Variants in PDE4D observed in about 807,000 individuals in gnomAD.
PDE4D encodes the protein 3',5'-cyclic-AMP phosphodiesterase 4D.
A neutral mutation model predicts 87.4 loss-of-function variants in PDE4D; 24 were observed. That is an observed-to-expected ratio of 0.27 (90% CI 0.20 to 0.39). The LOEUF is 0.39. Among genes scored for constraint, PDE4D ranks in the 10% least tolerant of loss-of-function variants. The pLI is 1.00. For synonymous variants in PDE4D, 384 were observed against 383.2 expected (o/e 1.00, Z -0.02); for missense variants, 714 against 1,041.0 (o/e 0.69, Z 4.32).
At chr5:59,797,159 C>G (rs1468065124) in intron 1 of PDE4D, 1 of 148,312 alleles carries the variant, frequency 6.7e-6, no homozygotes, top group Non-Finnish European at 1.5e-5. Context: ...AAAAGTCAAC[C>G]AAGTCAGAAG....
intron 2 of PDE4D, among the ~76,000 whole-genome samples, chr5:60,060,759 G>A (rs906103386): frequency 2.6e-5 from 4 of 152,130 alleles, no homozygotes; most frequent in African/African-American, 9.6e-5. Flanking sequence ...CAGCCTCTCA[G>A]CTTCCTTGAA....
rs186019333 is a variant in PDE4D, at chr5:59,389,896, T to C, written c.456-173928A>G. ...AGGTTAGTTAATGGGTACAAGCATATAGTTAGATAGAAGAAATAAGTTCTA... is the reference window on the plus strand; with the variant it reads ...AGGTTAGTTAATGGGTACAAGCATACAGTTAGATAGAAGAAATAAGTTCTA... On this transcript the variant is annotated intron_variant, in intron 1 of 14. Coordinates refer to ENST00000340635, the MANE Select transcript of PDE4D (RefSeq NM_001104631.2). Among the ~76,000 whole-genome samples the C allele has an allele frequency of 1.0e-3, 159 of 152,226 alleles. 1 individual carries two copies. Among genetic ancestry groups the C allele is most frequent in the Admixed American group, 3.5e-3 (53 of 15,280 alleles).
intron 1 of PDE4D, among the ~76,000 whole-genome samples, chr5:59,543,598 T>C (rs1038273366): frequency 6.6e-6 from 1 of 152,140 alleles, no homozygotes; most frequent in African/African-American, 2.4e-5. Flanking sequence ...TGCTGGTTCA[T>C]TCAGAAAAGA....
chr5:59,307,727 A>T (rs933666479), intron 1 of PDE4D, among the ~76,000 whole-genome samples: 5 of 151,978 alleles, frequency 3.3e-5, no homozygotes, highest in African/African-American at 7.3e-5. Context: ...GCTGGAGAGG[A>T]TGTGGAGAAA....
At chr5:59,088,793 G>A (rs1271926860) in intron 5 of PDE4D, among the ~76,000 whole-genome samples, 1 of 152,186 alleles carries the variant, frequency 6.6e-6, no homozygotes, top group Non-Finnish European at 1.5e-5. Context: ...TCAGAGGGTG[G>A]AGGGTGGGAG....
At chr5:59,839,012 A>C (rs1581357875) in intron 1 of PDE4D, among the ~76,000 whole-genome samples, 1 of 152,094 alleles carries the variant, frequency 6.6e-6, no homozygotes, top group East Asian at 2.0e-4. Flanking sequence ...GGAAGAGGAA[A>C]AGGATGAATC....
chr5:59,414,741 TAAC>T (rs550450455), intron 1 of PDE4D, among the ~76,000 whole-genome samples: 7 of 152,060 alleles, frequency 4.6e-5, no homozygotes, highest in Non-Finnish European at 8.8e-5. Context: ...AAAACAAAAA[TAAC>T]AACAACAAAA....
intron 1 of PDE4D, among the ~76,000 whole-genome samples, chr5:60,232,410 A>G (rs1432752903): frequency 6.6e-6 from 1 of 151,860 alleles, no homozygotes; most frequent in Non-Finnish European, 1.5e-5. Flanking sequence ...TTCTCTGGTC[A>G]GTTCTTCTTG....
chr5:59,502,193 A>C (rs1409994889), intron 1 of PDE4D, among the ~76,000 whole-genome samples: 1 of 152,172 alleles, frequency 6.6e-6, no homozygotes, highest in Non-Finnish European at 1.5e-5. Context: ...CAATAGCATG[A>C]ACATATAACT....
intron 6 of PDE4D, among the ~76,000 whole-genome samples, chr5:58,993,869 T>C (rs573233013): frequency 6.6e-6 from 1 of 152,152 alleles, no homozygotes; most frequent in Non-Finnish European, 1.5e-5. Context: ...AAAATTAAGA[T>C]GTATTATTAG....
At chr5:60,285,551 GA>G (rs1376143809) in intron 1 of PDE4D, among the ~76,000 whole-genome samples, 1 of 151,688 alleles carries the variant, frequency 6.6e-6, no homozygotes, top group African/African-American at 2.4e-5. Context: ...TTACAGGGAA[GA>G]AAAACAACGA....
chr5:59,754,358 C>T (rs146885210), intron 1 of PDE4D, among the ~76,000 whole-genome samples: 1 of 152,170 alleles, frequency 6.6e-6, no homozygotes, highest in African/African-American at 2.4e-5. Context: ...AGTTTCTCAA[C>T]GTATGGCTTC....
intron 1 of PDE4D, among the ~76,000 whole-genome samples, chr5:59,439,201 A>G (rs989211683): frequency 1.3e-4 from 20 of 152,188 alleles, no homozygotes; most frequent in Admixed American, 1.3e-4. Context: ...TCTACCAAAA[A>G]TACAAAAATT....
intron 1 of PDE4D, among the ~76,000 whole-genome samples, chr5:60,515,176 G>A (rs1283052582): frequency 1.3e-5 from 2 of 152,094 alleles, no homozygotes; most frequent in Non-Finnish European, 2.9e-5. Context: ...TTTATAGTAA[G>A]TATTGATATC....
At chr5:60,515,973 A>C (rs1320900466) in intron 1 of PDE4D, among the ~76,000 whole-genome samples, 2 of 152,196 alleles carry the variant, frequency 1.3e-5, no homozygotes, top group Admixed American at 1.3e-4. Flanking sequence ...TACAGCCAAA[A>C]TATTTGAAAA....
intron 1 of PDE4D, among the ~76,000 whole-genome samples, chr5:60,241,812 T>C (rs899571108): frequency 6.6e-6 from 1 of 152,096 alleles, no homozygotes; most frequent in Non-Finnish European, 1.5e-5. Context: ...AAGAAAATTA[T>C]AGAACACCAA....
intron 1 of PDE4D, among the ~76,000 whole-genome samples, chr5:60,286,834 A>G (rs772317835): frequency 1.4e-4 from 21 of 152,230 alleles, no homozygotes; most frequent in Non-Finnish European, 3.1e-4. Context: ...CTTTAAAAGA[A>G]ATAAATGAGT....
intron 1 of PDE4D, among the ~76,000 whole-genome samples, chr5:59,303,956 G>A (rs1770766721): frequency 6.6e-6 from 1 of 152,000 alleles, no homozygotes; most frequent in African/African-American, 2.4e-5. Flanking sequence ...TGGGGATTGT[G>A]TTGAATTTGT....
chr5:59,929,648 A>G (rs1755678244), intron 3 of PDE4D, among the ~76,000 whole-genome samples: 1 of 152,216 alleles, frequency 6.6e-6, no homozygotes, highest in Admixed American at 6.5e-5. Context: ...GCACTTGGTT[A>G]ATAAAGTGGG....
Sources: allele counts gnomAD v4.1 joint callset (sites outside exome capture counted in the v4.1 genomes callset), GRCh38; gene constraint gnomAD v4.1.1; transcripts MANE v1.5; gene names NCBI Gene and HGNC (gene_info 2026-07-23, HGNC 2026-07-21).